The following FHAD1 variants were observed in gnomAD, a reference collection of about 807,000 sequenced individuals.
FHAD1 encodes forkhead-associated domain-containing protein 1.
In FHAD1, 146 loss-of-function variants were observed where a neutral mutation model predicts 191.3. That is an observed-to-expected ratio of 0.76 (90% CI 0.67 to 0.88). The LOEUF (loss-of-function observed/expected upper bound fraction) is 0.88. Among genes scored for constraint, FHAD1 ranks in the 40% least tolerant of loss-of-function variants. The pLI, the probability that FHAD1 is intolerant of heterozygous loss-of-function variation, is 0.00. For synonymous variants in FHAD1, 616 were observed against 672.3 expected (o/e 0.92, Z 1.29); for missense variants, 1,635 against 1,785.8 (o/e 0.92, Z 1.52).
At chr1:15,299,081 C>T (rs12090668) in intron 5 of FHAD1, among the ~76,000 whole-genome samples, 7,459 of 150,708 alleles carry the variant, frequency 0.049, 518 homozygotes, top group African/African-American at 0.15. Flanking sequence ...TTGCCTATAG[C>T]CCCAGCTACT....
chr1:15,251,706 T>C, intron 1 of FHAD1, 65 bp from the exon 2 acceptor site: 2 of 1,226,096 alleles, frequency 1.6e-6, no homozygotes, highest in South Asian at 1.4e-5. Context: ...ATTTTAAGTA[T>C]GATGTTGTTG....
chr1:15,386,256 G>T (rs1046634560), intron 31 of FHAD1, among the ~76,000 whole-genome samples: 1 of 152,220 alleles, frequency 6.6e-6, no homozygotes, highest in African/African-American at 2.4e-5. Context: ...AAGAGAAAAG[G>T]CCACTCGGGG....
intron 3 of FHAD1, among the ~76,000 whole-genome samples, chr1:15,283,739 T>C (rs937650873): frequency 6.6e-6 from 1 of 152,176 alleles, no homozygotes; most frequent in Non-Finnish European, 1.5e-5. Context: ...GCACATACCC[T>C]GTGACTCAGA....
At chr1:15,330,454 C>T (rs1280387737) in intron 14 of FHAD1, among the ~76,000 whole-genome samples, 1 of 152,056 alleles carries the variant, frequency 6.6e-6, no homozygotes. Context: ...CCAATATGTC[C>T]ATACATTTGA....
intron 3 of FHAD1, among the ~76,000 whole-genome samples, chr1:15,282,334 G>A (rs1039590377): frequency 2.0e-5 from 3 of 152,190 alleles, no homozygotes; most frequent in African/African-American, 7.2e-5. Flanking sequence ...CAAAGAATGT[G>A]TAGCACATTC....
intron 3 of FHAD1, among the ~76,000 whole-genome samples, chr1:15,282,997 C>T (rs987502088): frequency 4.6e-5 from 7 of 152,360 alleles, no homozygotes; most frequent in African/African-American, 1.7e-4. Context: ...AGGAGCGGGG[C>T]TGCTACTTGC....
chr1:15,344,366 A>G (rs982792133), intron 16 of FHAD1, among the ~76,000 whole-genome samples: 2 of 152,194 alleles, frequency 1.3e-5, no homozygotes, highest in African/African-American at 4.8e-5. Context: ...TCAATCTAAC[A>G]TTCTTTTCTT....
chr1:15,381,371 T>C lies in FHAD1; in HGVS notation c.3942T>C (p.Asp1314=). The change falls in exon 30 of 34, where the codon GAT becomes GAC. Residue 1314 remains aspartate (D), a synonymous_variant. Coordinates refer to ENST00000688493, the MANE Select transcript of FHAD1 (RefSeq NM_001391957.1). This position sits in a 1 kb window ranked among gnomAD's most constrained non-coding sequence, Gnocchi z 4.6. ...AAAGGGACCTCGACCTGGTGTTTGA[T>C]AAGATCACCCAACTCAAGAACCAGC... ...LRQRDLDLVF[D]KITQLKNQLG... The C allele has an allele frequency of 6.4e-7, 1 of 1,551,754 alleles. No individual in the cohort carries two copies. The highest frequency in any genetic ancestry group is 8.7e-7 in the Non-Finnish European group (1 of 1,147,004).
chr1:15,374,850 T>TTTTGG (rs1553314140), intron 27 of FHAD1, among the ~76,000 whole-genome samples: 16 of 105,046 alleles, frequency 1.5e-4, no homozygotes, highest in African/African-American at 1.1e-3. Context: ...TATTGTACGT[T>TTTTGG]TTTTTTTTTG....
At position 15,283,105 on chromosome 1, in the gene FHAD1, G is replaced by C. The variant is rs543604933; in HGVS notation, c.301-6294G>C. 2.6e-5 allele frequency among the ~76,000 whole-genome samples: 4 copies of C among 152,322 alleles called. No homozygotes were observed. The South Asian group carries it at 8.3e-4, about 32-fold the overall frequency. ...CCACATTTAATTACACAGAAACGAAGGGGTGGTTTATGCAGAAATTTCCAG... is the reference window on the plus strand; with the variant it reads ...CCACATTTAATTACACAGAAACGAACGGGTGGTTTATGCAGAAATTTCCAG... On this transcript the variant is annotated intron_variant, in intron 3 of 33. Coordinates refer to ENST00000688493, the MANE Select transcript of FHAD1 (RefSeq NM_001391957.1).
intron 3 of FHAD1, among the ~76,000 whole-genome samples, chr1:15,281,697 G>A (rs1339059007): frequency 6.8e-6 from 1 of 147,632 alleles, no homozygotes; most frequent in Non-Finnish European, 1.5e-5. Flanking sequence ...GGAGACGGAG[G>A]TTGCAGTGAG....
At chr1:15,364,870 G>T (rs1339688133) in intron 23 of FHAD1, among the ~76,000 whole-genome samples, 1 of 152,120 alleles carries the variant, frequency 6.6e-6, no homozygotes, top group African/African-American at 2.4e-5. Flanking sequence ...TTCCTGCTGG[G>T]CGCCCTTCAC....
chr1:15,398,404 T>C (rs1460503669), downstream of FHAD1, among the ~76,000 whole-genome samples: 1 of 151,966 alleles, frequency 6.6e-6, no homozygotes, highest in African/African-American at 2.4e-5. Context: ...CATTTAATCC[T>C]CCCCCTGCCC....
chr1:15,387,473 G>A (rs1702417218), intron 31 of FHAD1, among the ~76,000 whole-genome samples: 1 of 152,216 alleles, frequency 6.6e-6, no homozygotes, highest in Admixed American at 6.5e-5. Flanking sequence ...ACCAGGCTGG[G>A]TGCGGTGGCT....
intron 23 of FHAD1, chr1:15,364,000 T>C (rs1273058919): frequency 3.1e-6 from 1 of 326,694 alleles, no homozygotes; most frequent in African/African-American, 2.2e-5. Context: ...AGTTCCTGAC[T>C]CCTCCTCCTG....
At chr1:15,302,419 T>G (rs1306878774) in intron 6 of FHAD1, among the ~76,000 whole-genome samples, 1 of 152,220 alleles carries the variant, frequency 6.6e-6, no homozygotes, top group African/African-American at 2.4e-5. Flanking sequence ...TTCTTTTTTT[T>G]TTTACTTTAA....
rs544691564 is a variant in FHAD1, at chr1:15,275,837, T to C, written c.300+3308T>C. 1.1e-4 allele frequency among the ~76,000 whole-genome samples: 17 copies of C among 152,206 alleles called. No individual in the cohort carries two copies. The South Asian group carries it at 3.3e-3, about 30-fold the overall frequency. Reference sequence around the variant, plus strand: ...AGAGGGGGCTGTGTCTTCCCCGCGGTAGAGTTTTCAAGGATTGTTTCCTTT... The same window carrying C: ...AGAGGGGGCTGTGTCTTCCCCGCGGCAGAGTTTTCAAGGATTGTTTCCTTT... On this transcript the variant is annotated intron_variant, in intron 3 of 33. Coordinates refer to ENST00000688493, the MANE Select transcript of FHAD1 (RefSeq NM_001391957.1).
chr1:15,355,411 G>A (rs1218526704), intron 20 of FHAD1, among the ~76,000 whole-genome samples: 1 of 152,154 alleles, frequency 6.6e-6, no homozygotes, highest in Non-Finnish European at 1.5e-5. Flanking sequence ...ATCAAAGATT[G>A]ATTTCATCCA....
At chr1:15,254,460 A>G (rs867065734) in intron 2 of FHAD1, among the ~76,000 whole-genome samples, 5 of 151,894 alleles carry the variant, frequency 3.3e-5, no homozygotes, top group Middle Eastern at 6.8e-3. Context: ...TGACGCCACA[A>G]TCGTTATTAT....
Sources: gnomAD v4.1 joint callset for allele counts (sites outside exome capture counted in the v4.1 genomes callset) on GRCh38, gnomAD v4.1.1 for gene constraint, Gnocchi (gnomAD v3.1) non-coding constraint, MANE v1.5 for transcripts, NCBI Gene and HGNC (gene_info 2026-07-23, HGNC 2026-07-21) for gene names.